Variants in SYNE2 observed in about 807,000 individuals in gnomAD.
SYNE2 encodes the protein nesprin-2.
SYNE2 carries 431 observed loss-of-function variants against 856.3 expected under a neutral mutation model. The ratio of observed to expected loss-of-function variants is 0.50; its 90% CI spans 0.47 to 0.55. The LOEUF is 0.55. Ranked by LOEUF, SYNE2 falls within the 20% of genes least tolerant of loss-of-function variation. The probability of loss-of-function intolerance (pLI) is 0.00; values close to 1 mark genes in which losing one functional copy is unlikely to be tolerated. For missense variants in SYNE2, 8,129 were observed against 8,023.2 expected, an observed-to-expected ratio of 1.01 and a Z score of -0.50; for synonymous variants, 2,923 against 2,872.3, an observed-to-expected ratio of 1.02 and a Z score of -0.56.
chr14:63,812,372 TC>T (rs1402266046), intron 1 of SYNE2, among the ~76,000 whole-genome samples: 1 of 152,174 alleles, frequency 6.6e-6, no homozygotes. Context: ...CTTCCCTTCT[TC>T]CCTGAAAATC....
At chr14:63,778,306 G>A (rs940760067) in intron 1 of SYNE2, among the ~76,000 whole-genome samples, 1 of 152,022 alleles carries the variant, frequency 6.6e-6, no homozygotes, top group African/African-American at 2.4e-5. Context: ...GGCCTCCCCA[G>A]CCATGCAGAA....
At chr14:63,940,398 G>A (rs905847223) in intron 2 of SYNE2, among the ~76,000 whole-genome samples, 1 of 151,966 alleles carries the variant, frequency 6.6e-6, no homozygotes, top group Non-Finnish European at 1.5e-5. Context: ...CCATTGTCTC[G>A]TCAACAAACC....
chr14:64,125,242 T>C, intron 71 of SYNE2, 32 bp downstream of exon 71: 1 of 1,613,456 alleles, frequency 6.2e-7, no homozygotes, highest in Non-Finnish European at 8.5e-7. Context: ...TTTTCCTCAT[T>C]GTAATAACAT....
intron 1 of SYNE2, among the ~76,000 whole-genome samples, chr14:63,895,354 C>T (rs2095229799): frequency 6.6e-6 from 1 of 151,692 alleles, no homozygotes; most frequent in African/African-American, 2.4e-5. Context: ...TGTGATCTGC[C>T]TGCCTTGGCC....
rs2098702561 is a variant in SYNE2, at chr14:64,223,126, C to G, written c.20191-63C>G. 1.0e-5 allele frequency: 16 copies of G among 1,589,602 alleles called. No individual in the cohort carries two copies. In the South Asian group the frequency reaches 1.8e-4, roughly 18 times the overall value. On this transcript the variant is annotated intron_variant, in intron 112 of 115. Transcript: ENST00000555002. ...ATTTTTCTGGTACTGAGAAAAACCT[C>G]CTGTGTCCACACTCGCTTCCCTTTG...
At chr14:63,817,164 A>G (rs1045167814) in intron 1 of SYNE2, among the ~76,000 whole-genome samples, 4 of 152,202 alleles carry the variant, frequency 2.6e-5, no homozygotes, top group East Asian at 1.9e-4. Context: ...TCCTATGTCC[A>G]TACAACACAG....
intron 52 of SYNE2, among the ~76,000 whole-genome samples, chr14:64,071,241 TC>T (rs1165762912): frequency 3.9e-5 from 6 of 152,172 alleles, no homozygotes; most frequent in Non-Finnish European, 8.8e-5. Context: ...ACTCCTGTAA[TC>T]CCAGCACTTT....
At chr14:63,848,828 C>T (rs1566605528), upstream of SYNE2, among the ~76,000 whole-genome samples, 1 of 152,218 alleles carries the variant, frequency 6.6e-6, no homozygotes, top group South Asian at 2.1e-4. Context: ...CACTGCCCAC[C>T]AGGCTCCACG....
chr14:64,022,382 C>T (rs1364300408), intron 37 of SYNE2, among the ~76,000 whole-genome samples: 1 of 152,124 alleles, frequency 6.6e-6, no homozygotes, highest in Non-Finnish European at 1.5e-5. Context: ...ATAGAAAATA[C>T]ACTACAATTA....
intron 45 of SYNE2, among the ~76,000 whole-genome samples, chr14:64,043,007 T>C (rs1055076014): frequency 1.3e-5 from 2 of 152,160 alleles, no homozygotes; most frequent in African/African-American, 4.8e-5. Context: ...AAAAACCTCA[T>C]AGTGAAATGT....
intron 1 of SYNE2, among the ~76,000 whole-genome samples, chr14:63,815,140 A>C (rs1209701427): frequency 1.7e-5 from 2 of 120,056 alleles, no homozygotes; most frequent in African/African-American, 6.1e-5. Flanking sequence ...ATATATCCAT[A>C]TATATACACA....
At chr14:63,844,374 A>G (rs1266115141) in intron 1 of SYNE2, among the ~76,000 whole-genome samples, 1 of 152,214 alleles carries the variant, frequency 6.6e-6, no homozygotes, top group Admixed American at 6.5e-5. Flanking sequence ...GCACTGAATA[A>G]TATTCAATTG....
rs750682839 is a variant in SYNE2, at chr14:64,087,862, T to A, written c.11670+6T>A. 1 of 1,613,702 alleles carries A rather than the reference T, an allele frequency of 6.2e-7. No homozygotes were observed. Among genetic ancestry groups the A allele is most frequent in the Admixed American group, 1.7e-5 (1 of 60,020 alleles). ...AGATTCAGCGAATGGCTGATGTAAG[T>A]TTGCACCATTCATTTAATCATTCAG... On this transcript the variant is annotated splice_donor_region_variant and intron_variant, in intron 58 of 115. Coordinates refer to ENST00000555002, the MANE Select transcript of SYNE2 (RefSeq NM_182914.3).
At chr14:63,961,649 A>T in intron 9 of SYNE2, 24 bp downstream of exon 9, 1 of 1,549,352 alleles carries the variant, frequency 6.5e-7, no homozygotes, top group Non-Finnish European at 8.9e-7. Flanking sequence ...TGCATAAATC[A>T]AGCTCATTTT....
chr14:64,215,116 G>T (rs1423409244), intron 106 of SYNE2, among the ~76,000 whole-genome samples, 170 bp from the exon 107 acceptor site: 1 of 151,994 alleles, frequency 6.6e-6, no homozygotes, highest in African/African-American at 2.4e-5. Flanking sequence ...GCTTTGGACA[G>T]TCAGGAGTTG....
intron 63 of SYNE2, chr14:64,099,163 C>A (rs1277661802): frequency 3.2e-6 from 1 of 310,604 alleles, no homozygotes; most frequent in Non-Finnish European, 6.2e-6. Context: ...TGTATTTTTC[C>A]GCATTTCAAT....
intron 45 of SYNE2, among the ~76,000 whole-genome samples, chr14:64,039,411 C>G (rs956974601): frequency 6.6e-6 from 1 of 152,180 alleles, no homozygotes; most frequent in Non-Finnish European, 1.5e-5. Context: ...GTTTTCAATG[C>G]TGAAGTGGAA....
chr14:63,945,370 C>T (rs1308253806), intron 6 of SYNE2, among the ~76,000 whole-genome samples: 4 of 152,040 alleles, frequency 2.6e-5, no homozygotes, highest in African/African-American at 9.7e-5. Flanking sequence ...AGTGTAGAGT[C>T]TTTAACACCA....
intron 1 of SYNE2, among the ~76,000 whole-genome samples, chr14:63,873,048 C>T (rs1055548160): frequency 6.6e-6 from 1 of 152,038 alleles, no homozygotes; most frequent in South Asian, 2.1e-4. Context: ...TTGTCTTTTT[C>T]GTTTTGATTT....
Sources: allele counts gnomAD v4.1 joint callset (sites outside exome capture counted in the v4.1 genomes callset), GRCh38; gene constraint gnomAD v4.1.1; transcripts MANE v1.5; gene names NCBI Gene and HGNC (gene_info 2026-07-23, HGNC 2026-07-21).